The following ATM variants were observed in gnomAD, a reference collection of about 807,000 sequenced individuals.
The protein encoded by ATM is serine-protein kinase ATM.
In ATM, 308 loss-of-function variants were observed where a neutral mutation model predicts 387.0. The observed-to-expected ratio is 0.80, with a 90% CI of 0.73 to 0.87. The LOEUF (loss-of-function observed/expected upper bound fraction) is 0.87, where lower values mean the gene tolerates loss of function less well. Among genes scored for constraint, ATM ranks in the 40% least tolerant of loss-of-function variants. The pLI is 0.00. For missense variants in ATM, 3,312 were observed against 3,560.9 expected (o/e 0.93, Z 1.78); for synonymous variants, 1,156 against 1,187.3 (o/e 0.97, Z 0.54).
chr11:108,275,555 T>C (rs2081896184), intron 22 of ATM, among the ~76,000 whole-genome samples: 1 of 152,248 alleles, frequency 6.6e-6, no homozygotes, highest in East Asian at 1.9e-4. Context: ...AAGGCAGGCC[T>C]GGTGGTGACA....
chr11:108,338,306 C>A (rs1397126296), intron 56 of ATM, among the ~76,000 whole-genome samples: 1 of 151,292 alleles, frequency 6.6e-6, no homozygotes, highest in African/African-American at 2.4e-5. Context: ...GAGCCGAGAT[C>A]ACACCACTGC....
chr11:108,252,795 A>G, intron 11 of ATM, 22 bp from the exon 12 acceptor site: 1 of 1,521,342 alleles, frequency 6.6e-7, no homozygotes, highest in Non-Finnish European at 9.1e-7. Context: ...TTCTAAGTGA[A>G]GCTTTTTGTT....
chr11:108,264,475 C>A (rs1199625826), intron 16 of ATM, among the ~76,000 whole-genome samples: 1 of 152,120 alleles, frequency 6.6e-6, no homozygotes, highest in Non-Finnish European at 1.5e-5. Context: ...ATTGATGGGA[C>A]GTATCTCAAA....
chr11:108,235,201 T>C (rs228596), intron 4 of ATM, among the ~76,000 whole-genome samples: 74,478 of 150,596 alleles, frequency 0.49, 19,915 homozygotes, highest in Middle Eastern at 0.72. Context: ...GAGGCTGAGG[T>C]GGGAGAATTA....
In ATM at chr11:108,325,515, A is replaced by G. The variant is rs1365474284; in HGVS notation, c.6778A>G (p.Ile2260Val). ...CACCAAACACCTTGTAGAACTCTCT[A>G]TACTGGCCAGAACTTTCAAGAACAC... ...ILTKHLVELSILARTFKNTQL... is the reference protein window; with the variant it reads ...ILTKHLVELSVLARTFKNTQL... Residue 2260 changes from isoleucine (I) to valine (V), a missense_variant, in exon 46 of 63, where the codon ATA becomes GTA. Coordinates refer to ENST00000675843, the MANE Select transcript of ATM (RefSeq NM_000051.4). 1 of 1,611,598 alleles carries G rather than the reference A, an allele frequency of 6.2e-7. No homozygotes were observed. Among genetic ancestry groups the G allele is most frequent in the Admixed American group, 1.7e-5 (1 of 60,006 alleles).
At chr11:108,246,306 T>TA (rs1283728603) in intron 7 of ATM, among the ~76,000 whole-genome samples, 2 of 152,312 alleles carry the variant, frequency 1.3e-5, no homozygotes, top group African/African-American at 4.8e-5. Context: ...TAGGAGGTGA[T>TA]ATGATATGTT....
chr11:108,285,035 C>T (rs2082421388), intron 26 of ATM, among the ~76,000 whole-genome samples: 1 of 152,162 alleles, frequency 6.6e-6, no homozygotes, highest in African/African-American at 2.4e-5. Flanking sequence ...TCTCAGTTCA[C>T]TGAAGCCTCT....
chr11:108,306,012 C>T (rs1294713902), intron 37 of ATM, among the ~76,000 whole-genome samples: 1 of 152,178 alleles, frequency 6.6e-6, no homozygotes, highest in Admixed American at 6.5e-5. Context: ...ATCTGCTCCT[C>T]CCAATCCTTC....
chr11:108,257,609 A>T lies in ATM; in HGVS notation c.2376+3A>T, dbSNP rs758083563. The T allele has an allele frequency of 2.5e-6, 4 of 1,613,080 alleles. No homozygotes were observed. Among genetic ancestry groups the T allele is most frequent in the Non-Finnish European group, 3.4e-6 (4 of 1,179,884 alleles). ...GTTGCTTGAGCAACTGTACCAAGGTAAGATTTTCTTCTTCTTGTTTTGTTT... is the reference window on the plus strand; with the variant it reads ...GTTGCTTGAGCAACTGTACCAAGGTTAGATTTTCTTCTTCTTGTTTTGTTT... On this transcript the variant is annotated splice_donor_region_variant and intron_variant, in intron 15 of 62. Coordinates refer to ENST00000675843, the MANE Select transcript of ATM (RefSeq NM_000051.4).
Position 108,365,353 on chromosome 11 carries a change from G to T in ATM, c.9016G>T (p.Ala3006Ser), listed in dbSNP as rs876658767. The T allele has an allele frequency of 6.2e-7, 1 of 1,614,178 alleles. No homozygotes were observed. Among genetic ancestry groups the T allele is most frequent in the Non-Finnish European group, 8.5e-7 (1 of 1,180,032 alleles). Residue 3006 changes from alanine to serine, a missense_variant, in exon 63 of 63, where the codon GCT becomes TCT. By Grantham distance (99) the Ala-to-Ser change is moderately conservative. Around this residue, in one of 4 missense-constraint regions of ATM, gnomAD observed 95 missense variants for 100.3 expected, o/e 0.95. Transcript: ENST00000675843. ...SDIDQSFNKV[A>S]ERVLMRLQEK... ...TATTGACCAGAGTTTCAACAAAGTAGCTGAACGTGTCTTAATGAGACTACA... is the reference window on the plus strand; with the variant it reads ...TATTGACCAGAGTTTCAACAAAGTATCTGAACGTGTCTTAATGAGACTACA...
At chr11:108,316,794 C>T (rs868499686) in intron 42 of ATM, among the ~76,000 whole-genome samples, 5 of 145,740 alleles carry the variant, frequency 3.4e-5, no homozygotes, top group East Asian at 2.0e-4. Context: ...GGTGTGGTGG[C>T]GGGTGCCTGT....
At chr11:108,322,012 A>G (rs901293475) in intron 45 of ATM, among the ~76,000 whole-genome samples, 2 of 152,140 alleles carry the variant, frequency 1.3e-5, no homozygotes, top group African/African-American at 4.8e-5. Flanking sequence ...GCATAGCATG[A>G]TAACACTCCA....
chr11:108,244,472 A>T (rs939917879), intron 6 of ATM, among the ~76,000 whole-genome samples: 1 of 152,180 alleles, frequency 6.6e-6, no homozygotes, highest in African/African-American at 2.4e-5. Flanking sequence ...GTACATTAGT[A>T]TGGCAGTACT....
At chr11:108,279,972 C>G (rs1330172566) in intron 23 of ATM, among the ~76,000 whole-genome samples, 2 of 152,156 alleles carry the variant, frequency 1.3e-5, no homozygotes, top group Non-Finnish European at 2.9e-5. Flanking sequence ...GAATCTCACA[C>G]AAAATCAAAT....
At chr11:108,331,168 A>C (rs2086195385) in intron 50 of ATM, 1 of 1,126,708 alleles carries the variant, frequency 8.9e-7, no homozygotes, top group Non-Finnish European at 1.1e-6. Context: ...TGTCTTCCTT[A>C]GATTTTTTGG....
rs1239532344 is a variant in ATM at position 108,329,095 on chromosome 11, C to G, written c.7164C>G (p.Leu2388=). The G allele has an allele frequency of 6.2e-7, 1 of 1,614,102 alleles. No homozygotes were observed. The highest frequency in any genetic ancestry group is 8.5e-7 in the Non-Finnish European group (1 of 1,179,996). Residue 2388 remains leucine, a synonymous_variant, in exon 49 of 63, where the codon CTC becomes CTG. Transcript: ENST00000675843. ...ELRNGKMKAF[L]SLARFSDTQY... ...GAAATGGAAAAATGAAGGCATTTCT[C>G]TCATTAGCCCGGTTTTCAGATACTC...
intron 61 of ATM, among the ~76,000 whole-genome samples, chr11:108,356,535 TG>T: frequency 2.8e-5 from 4 of 140,498 alleles, no homozygotes; most frequent in African/African-American, 1.1e-4. Flanking sequence ...AGACTCTGTC[TG>T]TCTTAAAAAA....
intron 43 of ATM, among the ~76,000 whole-genome samples, chr11:108,317,996 G>A (rs569544684): frequency 1.3e-5 from 2 of 152,198 alleles, no homozygotes; most frequent in Admixed American, 1.3e-4. Flanking sequence ...TAGTCAGTAA[G>A]ATAGCACTTA....
At position 108,289,803 on chromosome 11, in the gene ATM, T is replaced by G; in HGVS notation, c.4436+2T>G. ...TTTGATTCACTATATCAACCAAAGG[T>G]AAATAACATATTTAGACCAATATAT... is the stretch of plus-strand genomic sequence containing the variant. On this transcript the variant is annotated splice_donor_variant, in intron 29 of 62. Transcript: ENST00000675843. LOFTEE classifies it high-confidence loss of function. The G allele has an allele frequency of 6.2e-7, 1 of 1,610,902 alleles. No homozygotes were observed. Among genetic ancestry groups the G allele is most frequent in the Non-Finnish European group, 8.5e-7 (1 of 1,178,460 alleles).
Sources: gnomAD v4.1 joint callset for allele counts (sites outside exome capture counted in the v4.1 genomes callset) on GRCh38, gnomAD v4.1.1 for gene constraint, gnomAD v4.1.1 regional missense constraint, MANE v1.5 for transcripts, NCBI Gene and HGNC (gene_info 2026-07-23, HGNC 2026-07-21) for gene names.